The following MFAP1 variants were observed in gnomAD, a reference collection of about 807,000 sequenced individuals.
The protein encoded by MFAP1 is microfibrillar-associated protein 1.
MFAP1 carries 18 observed loss-of-function variants against 62.2 expected under a neutral mutation model. The observed-to-expected ratio is 0.29, with a 90% CI of 0.20 to 0.43. The LOEUF (loss-of-function observed/expected upper bound fraction) is 0.43, where lower values mean the gene tolerates loss of function less well. Among genes scored for constraint, MFAP1 ranks in the 20% least tolerant of loss-of-function variants. MFAP1 has a pLI of 1.00. For synonymous variants in MFAP1, 175 were observed against 180.4 expected, an observed-to-expected ratio of 0.97 and a Z score of 0.24; for missense variants, 355 against 559.7, an observed-to-expected ratio of 0.63 and a Z score of 3.69.
intron 7 of MFAP1, among the ~76,000 whole-genome samples, chr15:43,809,500 A>G (rs1184418330): frequency 6.6e-6 from 1 of 152,030 alleles, no homozygotes; most frequent in Non-Finnish European, 1.5e-5. Context: ...TCTTAAAAAA[A>G]AAAAAAAAGT....
chr15:43,818,518 G>A (rs199542192), intron 1 of MFAP1, among the ~76,000 whole-genome samples: 154 of 111,944 alleles, frequency 1.4e-3, no homozygotes, highest in Middle Eastern at 9.3e-3. Flanking sequence ...AAAAAAAAAA[G>A]AAACAAAAAA....
At chr15:43,823,028 G>C (rs1425353294) in intron 1 of MFAP1, among the ~76,000 whole-genome samples, 1 of 150,328 alleles carries the variant, frequency 6.7e-6, no homozygotes, top group Non-Finnish European at 1.5e-5. Context: ...TAGTAGAGAC[G>C]GTTTCACCAC....
chr15:43,810,063 AT>A, intron 6 of MFAP1, 149 bp from the exon 7 acceptor site: 1 of 900,162 alleles, frequency 1.1e-6, no homozygotes, highest in Non-Finnish European at 1.7e-6. Flanking sequence ...AAGGAGCTCA[AT>A]AAACAAATGG....
At chr15:43,810,687 C>A (rs959660515) in intron 6 of MFAP1, among the ~76,000 whole-genome samples, 1 of 151,698 alleles carries the variant, frequency 6.6e-6, no homozygotes, top group African/African-American at 2.4e-5. Context: ...AACTTTTTAG[C>A]CAGTGTTGGG....
intron 7 of MFAP1, among the ~76,000 whole-genome samples, chr15:43,807,643 C>T (rs1014352367): frequency 2.0e-5 from 3 of 151,972 alleles, no homozygotes; most frequent in Admixed American, 6.6e-5. Flanking sequence ...CCACCGCGCC[C>T]GGCCCAAAAT....
intron 1 of MFAP1, among the ~76,000 whole-genome samples, chr15:43,823,122 C>T (rs981354345): frequency 6.6e-6 from 1 of 151,534 alleles, no homozygotes; most frequent in South Asian, 2.1e-4. Context: ...CAGGCGTGAG[C>T]CACCGCGCCG....
At chr15:43,816,731 G>A (rs2087436346) in intron 2 of MFAP1, among the ~76,000 whole-genome samples, 1 of 152,156 alleles carries the variant, frequency 6.6e-6, no homozygotes. Context: ...ATAAAGTAAT[G>A]TCTCCATCAA....
At chr15:43,820,751 G>A (rs141621163) in intron 1 of MFAP1, among the ~76,000 whole-genome samples, 1,740 of 151,924 alleles carry the variant, frequency 0.011, 27 homozygotes, top group African/African-American at 0.04. Context: ...GACTACAGGC[G>A]TGCAACACCA....
intron 1 of MFAP1, among the ~76,000 whole-genome samples, chr15:43,822,426 T>A (rs1596059767): frequency 1.3e-5 from 2 of 152,156 alleles, no homozygotes; most frequent in African/African-American, 4.8e-5. Flanking sequence ...CAGGCTGGAG[T>A]GCAGTGGCAT....
At chr15:43,814,759 C>A in intron 3 of MFAP1, 71 bp from the exon 4 acceptor site, 1 of 1,537,482 alleles carries the variant, frequency 6.5e-7, no homozygotes, top group Non-Finnish European at 8.8e-7. Context: ...TCAAACACAA[C>A]AAATTCAAAT....
intron 7 of MFAP1, among the ~76,000 whole-genome samples, chr15:43,808,456 A>T (rs1436433049): frequency 6.6e-6 from 1 of 152,190 alleles, no homozygotes; most frequent in Non-Finnish European, 1.5e-5. Flanking sequence ...TGCCTCCCAA[A>T]ATGTTAAGAT....
At chr15:43,813,475 T>G in intron 4 of MFAP1, 118 bp from the exon 5 acceptor site, 1 of 961,256 alleles carries the variant, frequency 1.0e-6, no homozygotes, top group East Asian at 2.8e-5. Context: ...TCTATTATTT[T>G]CAAAGAGCAA....
rs2087351022 is a variant in MFAP1 at position 43,804,768 on chromosome 15, C to G, written c.*326G>C. 4.5e-6 allele frequency: 1 copy of G among 220,068 alleles called. No homozygotes were observed. The highest frequency in any genetic ancestry group is 8.8e-6 in the Non-Finnish European group (1 of 113,516). The allele number at this position is 220,068 out of a possible 1,614,324, so 13.6% of individuals were successfully genotyped here. On this transcript the variant is annotated 3_prime_UTR_variant, in exon 9 of 9. Transcript: ENST00000267812. Reference sequence around the variant, plus strand: ...TCACTTACATGTCCACTTTTCTAACCCAAGCTAAGGGCTGGAAAAAGAAAG... The same window carrying G: ...TCACTTACATGTCCACTTTTCTAACGCAAGCTAAGGGCTGGAAAAAGAAAG...
At chr15:43,814,051 C>T (rs1208677849) in intron 4 of MFAP1, among the ~76,000 whole-genome samples, 4 of 152,014 alleles carry the variant, frequency 2.6e-5, no homozygotes, top group East Asian at 1.9e-4. Context: ...GTTGGGAGTT[C>T]GAGACCAGCC....
intron 2 of MFAP1, among the ~76,000 whole-genome samples, chr15:43,816,246 TTTTC>T (rs1374746497): frequency 9.9e-5 from 9 of 90,954 alleles, no homozygotes; most frequent in East Asian, 3.7e-4. Context: ...TTCTTTTTTC[TTTTC>T]TTTTTTTTTT....
rs1287885492 is a variant in MFAP1 at position 43,805,917 on chromosome 15, G to A, written c.1048-452C>T. Among the ~76,000 whole-genome samples, 7 of 150,936 alleles carry A rather than the reference G, an allele frequency of 4.6e-5. No individual in the cohort carries two copies. The East Asian group carries it at 9.7e-4, about 21-fold the overall frequency. On this transcript the variant is annotated intron_variant, in intron 7 of 8. Transcript: ENST00000267812. Reference sequence around the variant, plus strand: ...GTGAACCACTGCGCCCGGCCGAGATGATATTCTTTTTCCTTTGTTGTATTT... The same window carrying A: ...GTGAACCACTGCGCCCGGCCGAGATAATATTCTTTTTCCTTTGTTGTATTT...
At chr15:43,815,218 C>A in intron 2 of MFAP1, 144 bp from the exon 3 acceptor site, 1 of 1,042,428 alleles carries the variant, frequency 9.6e-7, no homozygotes. Context: ...CTTGCTCTGT[C>A]GCCCAGGCTG....
chr15:43,807,314 G>A (rs1488526446), intron 7 of MFAP1, among the ~76,000 whole-genome samples: 1 of 150,162 alleles, frequency 6.7e-6, no homozygotes, highest in East Asian at 2.0e-4. Flanking sequence ...TCGCACCACT[G>A]CACTCAAGCC....
rs541036585 is a variant in MFAP1, at chr15:43,810,595, C to T, written c.888-681G>A. ...TGTTAGCCAGGATGGTCTCAATCTC[C>T]TGACCTCGTGATCCGCCCGCCTTGG... On this transcript the variant is annotated intron_variant, in intron 6 of 8. Transcript: ENST00000267812. Among the ~76,000 whole-genome samples, 378 of 152,190 alleles carry T rather than the reference C, an allele frequency of 2.5e-3. 1 individual carries two copies. The highest frequency in any genetic ancestry group is 4.4e-3 in the Non-Finnish European group (296 of 68,022).
Sources: gnomAD v4.1 joint callset for allele counts (sites outside exome capture counted in the v4.1 genomes callset) on GRCh38, gnomAD v4.1.1 for gene constraint, MANE v1.5 for transcripts, NCBI Gene and HGNC (gene_info 2026-07-23, HGNC 2026-07-21) for gene names.